The following DLG2 variants were observed in gnomAD, a reference collection of about 807,000 sequenced individuals.
DLG2 encodes the protein disks large homolog 2.
DLG2 carries 45 observed loss-of-function variants against 132.5 expected under a neutral mutation model. That is an observed-to-expected ratio of 0.34 (90% CI 0.27 to 0.44). DLG2 has a LOEUF of 0.44. Among genes scored for constraint, DLG2 ranks in the 20% least tolerant of loss-of-function variants. The pLI is 1.00. For synonymous variants in DLG2, 424 were observed against 419.6 expected, an observed-to-expected ratio of 1.01 and a Z score of -0.13; for missense variants, 1,045 against 1,196.9, an observed-to-expected ratio of 0.87 and a Z score of 1.87.
rs74787328 is a variant in DLG2, at chr11:84,724,218, T to C, written c.358-189487A>G. 1.2e-4 allele frequency among the ~76,000 whole-genome samples: 18 copies of C among 152,296 alleles called. No individual in the cohort carries two copies. The East Asian group carries it at 3.1e-3, about 26-fold the overall frequency. ...CTTTTTTATTAAGATGAAATAGGTA[T>C]ACTAGATTATTTCTAAGTTTGCTTC... On this transcript the variant is annotated intron_variant, in intron 6 of 27. Transcript: ENST00000376104.
intron 6 of DLG2, among the ~76,000 whole-genome samples, chr11:84,544,093 T>C (rs1361636745): frequency 6.6e-6 from 1 of 152,222 alleles, no homozygotes. Context: ...TTACTCTAGC[T>C]CAGTGCCACC....
At position 85,337,980 on chromosome 11, in the gene DLG2, G is replaced by A. The variant is rs910876871; in HGVS notation, c.41-52615C>T. Reference sequence around the variant, plus strand: ...ACATAGCTGCAGAAATAATTAATAAGGTGGAAGATAGTGCTAATATAAAAA... The same window carrying A: ...ACATAGCTGCAGAAATAATTAATAAAGTGGAAGATAGTGCTAATATAAAAA... On this transcript the variant is annotated intron_variant, in intron 3 of 27. Coordinates refer to ENST00000376104, the MANE Select transcript of DLG2 (RefSeq NM_001142699.3). 7.9e-5 allele frequency among the ~76,000 whole-genome samples: 12 copies of A among 152,156 alleles called. No individual in the cohort carries two copies. In the South Asian group the frequency reaches 1.0e-3, roughly 13 times the overall value.
At chr11:83,515,947 G>A (rs1303170221) in intron 21 of DLG2, among the ~76,000 whole-genome samples, 10 of 152,050 alleles carry the variant, frequency 6.6e-5, no homozygotes, top group African/African-American at 2.2e-4. Flanking sequence ...ACTTCCAACT[G>A]TGTGGTCAAT....
intron 18 of DLG2, chr11:83,725,154 T>A (rs989643658): frequency 8.6e-6 from 4 of 466,344 alleles, no homozygotes; most frequent in Non-Finnish European, 1.5e-5. Flanking sequence ...TTCCAGATGT[T>A]GGCTATCTCA....
intron 4 of DLG2, among the ~76,000 whole-genome samples, chr11:85,194,859 A>T (rs1466168593): frequency 6.6e-6 from 1 of 152,116 alleles, no homozygotes; most frequent in African/African-American, 2.4e-5. Context: ...TTAACCAACA[A>T]ATAATTATTG....
chr11:84,802,174 G>T (rs1184487646), intron 6 of DLG2, among the ~76,000 whole-genome samples: 1 of 151,546 alleles, frequency 6.6e-6, no homozygotes, highest in Non-Finnish European at 1.5e-5. Context: ...AGAATTCTAG[G>T]TTTCTCATGT....
At chr11:84,822,867 G>C (rs1351629544) in intron 6 of DLG2, among the ~76,000 whole-genome samples, 1 of 151,846 alleles carries the variant, frequency 6.6e-6, no homozygotes, top group African/African-American at 2.4e-5. Context: ...TTGAGCCACA[G>C]TATTTATAAA....
chr11:83,559,743 C>T (rs2096578988), intron 19 of DLG2, among the ~76,000 whole-genome samples: 1 of 152,148 alleles, frequency 6.6e-6, no homozygotes, highest in Admixed American at 6.5e-5. Flanking sequence ...AAGTCTTCTT[C>T]AAAGGAAGAG....
At chr11:85,124,291 A>G (rs1244801311) in intron 5 of DLG2, among the ~76,000 whole-genome samples, 1 of 152,224 alleles carries the variant, frequency 6.6e-6, no homozygotes, top group African/African-American at 2.4e-5. Context: ...ACTTAAGATT[A>G]CTTCTAACAC....
chr11:84,513,591 G>A (rs1441807751), intron 7 of DLG2, among the ~76,000 whole-genome samples: 1 of 151,900 alleles, frequency 6.6e-6, no homozygotes, highest in Non-Finnish European at 1.5e-5. Flanking sequence ...TGAGGAAAAG[G>A]ATTTCTTCAA....
chr11:84,711,880 G>T (rs944840799), intron 6 of DLG2, among the ~76,000 whole-genome samples: 1 of 151,940 alleles, frequency 6.6e-6, no homozygotes, highest in African/African-American at 2.4e-5. Flanking sequence ...ACCACATCAA[G>T]GTACCACATT....
chr11:85,476,891 T>C (rs1402928364), intron 3 of DLG2, among the ~76,000 whole-genome samples: 1 of 152,124 alleles, frequency 6.6e-6, no homozygotes, highest in East Asian at 1.9e-4. Context: ...AAAATAATAA[T>C]AAAAAGTATG....
chr11:85,399,607 A>T (rs2087825087), intron 3 of DLG2, among the ~76,000 whole-genome samples: 1 of 152,182 alleles, frequency 6.6e-6, no homozygotes, highest in Non-Finnish European at 1.5e-5. Flanking sequence ...AATAGAACAG[A>T]GCCCTCAGAA....
chr11:84,498,458 A>G (rs2099192023), intron 7 of DLG2, among the ~76,000 whole-genome samples: 1 of 152,074 alleles, frequency 6.6e-6, no homozygotes, highest in African/African-American at 2.4e-5. Context: ...ACCAACAACA[A>G]AATTCTTACC....
intron 11 of DLG2, among the ~76,000 whole-genome samples, chr11:83,989,081 G>T (rs1052412073): frequency 6.6e-6 from 1 of 152,108 alleles, no homozygotes; most frequent in Non-Finnish European, 1.5e-5. Flanking sequence ...GACAAGGAAA[G>T]TCCCATGTCT....
chr11:85,467,758 G>T (rs2092841742), intron 3 of DLG2, among the ~76,000 whole-genome samples: 1 of 152,164 alleles, frequency 6.6e-6, no homozygotes, highest in African/African-American at 2.4e-5. Flanking sequence ...CAGGGATATA[G>T]GCCTAAAATT....
chr11:83,937,975 T>G (rs185077098), intron 14 of DLG2, among the ~76,000 whole-genome samples: 1 of 152,100 alleles, frequency 6.6e-6, no homozygotes, highest in South Asian at 2.1e-4. Context: ...GTGTGCTATC[T>G]GAAGAAGAAA....
At chr11:85,591,679 T>C (rs2079352942) in intron 3 of DLG2, among the ~76,000 whole-genome samples, 1 of 152,102 alleles carries the variant, frequency 6.6e-6, no homozygotes, top group South Asian at 2.1e-4. Flanking sequence ...AGGTGGAGGT[T>C]GCAGTGAGCC....
At chr11:84,529,502 T>C (rs2099330130) in intron 7 of DLG2, among the ~76,000 whole-genome samples, 1 of 151,860 alleles carries the variant, frequency 6.6e-6, no homozygotes, top group African/African-American at 2.4e-5. Flanking sequence ...ACCAACAACA[T>C]CCAAGCTGAG....
Sources: allele counts gnomAD v4.1 joint callset (sites outside exome capture counted in the v4.1 genomes callset), GRCh38; gene constraint gnomAD v4.1.1; transcripts MANE v1.5; gene names NCBI Gene and HGNC (gene_info 2026-07-23, HGNC 2026-07-21).